ZNF713: variants seen among roughly 807,000 people sequenced by gnomAD.
The protein encoded by ZNF713 is zinc finger protein 713.
ZNF713 carries 21 observed loss-of-function variants against 28.7 expected under a neutral mutation model. The ratio of observed to expected loss-of-function variants is 0.73; its 90% CI spans 0.52 to 1.05. ZNF713 has a LOEUF of 1.05. Ranked by LOEUF, ZNF713 falls within the 50% of genes least tolerant of loss-of-function variation. ZNF713 has a pLI of 0.00. For synonymous variants in ZNF713, 167 were observed against 178.0 expected (o/e 0.94, Z 0.49); for missense variants, 458 against 532.4 (o/e 0.86, Z 1.37).
At chr7:55,928,178 A>G (rs963545428) in intron 6 of ZNF713, among the ~76,000 whole-genome samples, 1 of 152,130 alleles carries the variant, frequency 6.6e-6, no homozygotes, top group Non-Finnish European at 1.5e-5. Context: ...AGACGAGCAG[A>G]GGCAGCACTG....
At position 55,939,471 on chromosome 7, in the gene ZNF713, C is replaced by T; in HGVS notation, c.797C>T (p.Ala266Val). The T allele has an allele frequency of 6.2e-7, 1 of 1,614,086 alleles. No individual in the cohort carries two copies. Among genetic ancestry groups the T allele is most frequent in the South Asian group, 1.1e-5 (1 of 91,076 alleles). Residue 266 changes from alanine (A) to valine (V), a missense_variant, in exon 7 of 7, where the codon GCC (alanine) becomes GTC (valine). Physicochemically the swap from Ala to Val is moderately conservative, Grantham distance 64. Transcript: ENST00000429591. ...GAGAAACCCAGTGAGTGTGGGAAGG[C>T]CTTCAGCCACACCTCATCTCTTAGC... ...TAEKPSECGK[A>V]FSHTSSLSQP... is the part of the protein sequence containing the mutation.
chr7:55,887,857 G>C lies in ZNF713; in HGVS notation c.-583+177G>C, dbSNP rs1459398021. ...GGGCGGCGGGCGGCGGCGGCGGCGG[G>C]CGGCGGGCGGCGGCGGCGGCGGCGG... On this transcript the variant is annotated intron_variant, in intron 1 of 6. Coordinates refer to ENST00000429591, the MANE Select transcript of ZNF713 (RefSeq NM_182633.3). Among the ~76,000 whole-genome samples the C allele has an allele frequency of 1.3e-3, 26 of 19,756 alleles. 9 individuals are homozygous for C. Among genetic ancestry groups the C allele is most frequent in the African/African-American group, 5.2e-3 (22 of 4,270 alleles). The allele number at this position is 19,756 out of a possible 152,430, so 13.0% of individuals were successfully genotyped here.
rs2116141247 is a variant in ZNF713, at chr7:55,887,701, G to T, written c.-583+21G>T. On this transcript the variant is annotated intron_variant, in intron 1 of 6. Coordinates refer to ENST00000429591, the MANE Select transcript of ZNF713 (RefSeq NM_182633.3). Reference sequence around the variant, plus strand: ...CGGAGGTGAGTGCGCGCCGGGAGGAGGCGGAGGCGGGAGGCGGAGGCGGGG... The same window carrying T: ...CGGAGGTGAGTGCGCGCCGGGAGGATGCGGAGGCGGGAGGCGGAGGCGGGG... 2 of 46,022 alleles carry T rather than the reference G, an allele frequency of 4.3e-5. 1 individual carries two copies. 2.9% of individuals were successfully genotyped at this position (46,022 alleles called of 1,614,324 possible).
chr7:55,893,980 A>G (rs1284437432), intron 1 of ZNF713, among the ~76,000 whole-genome samples: 1 of 152,150 alleles, frequency 6.6e-6, no homozygotes, highest in Non-Finnish European at 1.5e-5. Context: ...AGGGCAGGAG[A>G]AGGCCAGAGA....
rs1786476703 is a variant in ZNF713 at position 55,941,843 on chromosome 7, T to G, written c.*1837T>G. The G allele has an allele frequency of 6.6e-6, 1 of 152,184 alleles. No individual in the cohort carries two copies. The highest frequency in any genetic ancestry group is 2.4e-5 in the African/African-American group (1 of 41,450). 9.4% of individuals were successfully genotyped at this position (152,184 alleles called of 1,614,324 possible). A position where few individuals can be genotyped will look rare whatever the true frequency, so the allele number is the denominator to read the frequency against. On this transcript the variant is annotated 3_prime_UTR_variant, in exon 7 of 7. Transcript: ENST00000429591. ...GGCAATATCCTGTGATGATTCTTTT[T>G]GCAATCTTGACATTATTTTCATCAA...
chr7:55,930,586 A>T (rs1045284238), intron 6 of ZNF713, among the ~76,000 whole-genome samples: 6 of 152,080 alleles, frequency 3.9e-5, no homozygotes, highest in African/African-American at 1.4e-4. Context: ...ACATGAAGAA[A>T]CCCATAGCCA....
At chr7:55,937,005 C>T (rs930259532) in intron 6 of ZNF713, among the ~76,000 whole-genome samples, 1 of 152,118 alleles carries the variant, frequency 6.6e-6, no homozygotes, top group African/African-American at 2.4e-5. Context: ...AGAAACTAAA[C>T]TGCAGTGAGT....
intron 2 of ZNF713, among the ~76,000 whole-genome samples, chr7:55,909,873 G>A (rs903020479): frequency 1.3e-5 from 2 of 151,846 alleles, no homozygotes; most frequent in Non-Finnish European, 1.5e-5. Flanking sequence ...CAGCTTGAAC[G>A]TTAAAAGTAT....
chr7:55,919,824 A>G (rs1785958674), intron 4 of ZNF713, among the ~76,000 whole-genome samples: 2 of 152,104 alleles, frequency 1.3e-5, no homozygotes, highest in African/African-American at 4.8e-5. Context: ...GTATCCCAGA[A>G]GATCCTTCTG....
At chr7:55,936,694 G>A (rs1207231669) in intron 6 of ZNF713, among the ~76,000 whole-genome samples, 1 of 152,142 alleles carries the variant, frequency 6.6e-6, no homozygotes, top group Non-Finnish European at 1.5e-5. Flanking sequence ...GAGTTGGGAT[G>A]AGTCTGCATT....
At chr7:55,918,435 A>T (rs1660813597) in intron 4 of ZNF713, 2 of 178,206 alleles carry the variant, frequency 1.1e-5, no homozygotes, top group African/African-American at 4.7e-5. Context: ...ATGGTTTGTT[A>T]TGCAGCAAGA....
intron 1 of ZNF713, among the ~76,000 whole-genome samples, chr7:55,892,407 G>T (rs1008094706): frequency 1.3e-5 from 2 of 151,702 alleles, no homozygotes; most frequent in Non-Finnish European, 2.9e-5. Context: ...TGGTGTAGGG[G>T]TGATCCCTTT....
At chr7:55,910,733 T>C (rs2116211547) in intron 2 of ZNF713, among the ~76,000 whole-genome samples, 1 of 152,216 alleles carries the variant, frequency 6.6e-6, no homozygotes, top group Non-Finnish European at 1.5e-5. Context: ...TGGCCTCACG[T>C]GATCTGCCTG....
intron 2 of ZNF713, among the ~76,000 whole-genome samples, chr7:55,907,758 G>T (rs1173219847): frequency 6.6e-6 from 1 of 152,012 alleles, no homozygotes; most frequent in Non-Finnish European, 1.5e-5. Flanking sequence ...ATGGCCTCCA[G>T]CTCCATCCAT....
At position 55,887,820 on chromosome 7, in the gene ZNF713, GCGGC is replaced by G. The variant is rs1470716345; in HGVS notation, c.-583+141_-583+144del. ...GGAGGCGGGGGGCGGCGGGCGGCGGGCGGCGGGCGGCGGGCGGCGGGCGGCGGCG... is the reference window on the plus strand; with the variant it reads ...GGAGGCGGGGGGCGGCGGGCGGCGGGGGGCGGCGGGCGGCGGGCGGCGGCG... On this transcript the variant is annotated intron_variant, in intron 1 of 6. Coordinates refer to ENST00000429591, the MANE Select transcript of ZNF713 (RefSeq NM_182633.3). The G allele has an allele frequency of 7.1e-3, 63 of 8,820 alleles. 17 individuals are homozygous for G. Among genetic ancestry groups the G allele is most frequent in the African/African-American group, 0.018 (58 of 3,286 alleles). The allele number at this position is 8,820 out of a possible 1,614,324, so 0.5% of individuals were successfully genotyped here.
At chr7:55,919,469 G>GATT (rs71015124) in intron 4 of ZNF713, among the ~76,000 whole-genome samples, 116,229 of 139,606 alleles carry the variant, frequency 0.83, 48,888 homozygotes, top group African/African-American at 0.96. Context: ...AGTGTAGCTG[G>GATT]ATAAATTGGT....
At chr7:55,925,481 C>T (rs71543770) in intron 6 of ZNF713, among the ~76,000 whole-genome samples, 7,092 of 152,080 alleles carry the variant, frequency 0.047, 294 homozygotes, top group East Asian at 0.22. Flanking sequence ...ATTAGCCAGG[C>T]GTGGTGACGT....
intron 4 of ZNF713, among the ~76,000 whole-genome samples, chr7:55,917,267 A>T (rs77431847): frequency 3.4e-3 from 511 of 148,254 alleles, no homozygotes; most frequent in Admixed American, 0.011. Flanking sequence ...ATGGAAAAAA[A>T]AAAACAACAA....
chr7:55,904,927 A>G (rs970473077), intron 1 of ZNF713, among the ~76,000 whole-genome samples: 9 of 152,058 alleles, frequency 5.9e-5, no homozygotes, highest in African/African-American at 2.2e-4. Flanking sequence ...GGGTTTCACC[A>G]TGTTGATCAG....
Sources: gnomAD v4.1 joint callset for allele counts (sites outside exome capture counted in the v4.1 genomes callset) on GRCh38, gnomAD v4.1.1 for gene constraint, MANE v1.5 for transcripts, NCBI Gene and HGNC (gene_info 2026-07-23, HGNC 2026-07-21) for gene names.